NCAPD3: variants seen among roughly 807,000 people sequenced by gnomAD.
NCAPD3 encodes the protein condensin-2 complex subunit D3.
NCAPD3 carries 105 observed loss-of-function variants against 182.9 expected under a neutral mutation model. That is an observed-to-expected ratio of 0.57 (90% CI 0.49 to 0.68). NCAPD3 has a LOEUF of 0.68. Among genes scored for constraint, NCAPD3 ranks in the 30% least tolerant of loss-of-function variants. The pLI, the probability that NCAPD3 is intolerant of heterozygous loss-of-function variation, is 0.00. For missense variants in NCAPD3, 1,944 were observed against 1,837.0 expected (o/e 1.06, Z -1.07); for synonymous variants, 815 against 679.9 (o/e 1.20, Z -3.09).
Position 134,168,122 on chromosome 11 carries a change from G to A in NCAPD3, c.3447C>T (p.Leu1149=), listed in dbSNP as rs2120687160. The change falls in exon 27 of 35, where the codon CTC becomes CTT. Residue 1149 remains leucine, a synonymous_variant. Coordinates refer to ENST00000534548, the MANE Select transcript of NCAPD3 (RefSeq NM_015261.3). ...CCAAAAGCTTGATCTCCTTTGAGCT[G>A]AGGACCTCAAACGTGTCTGAGAGTA... ...SELLSDTFEV[L]SSKEIKLLAM... is the part of the protein sequence containing the mutation. The A allele has an allele frequency of 6.2e-7, 1 of 1,614,120 alleles. No homozygotes were observed. The highest frequency in any genetic ancestry group is 8.5e-7 in the Non-Finnish European group (1 of 1,179,956).
At position 134,153,281 on chromosome 11, in the gene NCAPD3, G is replaced by A; in HGVS notation, c.4327+8C>T. ...ATCTATCAGCCCAGAAGGACACCAA[G>A]AACTTGCCTTTGGCTGACGACGGAG... is the stretch of plus-strand genomic sequence containing the variant. On this transcript the variant is annotated splice_region_variant and intron_variant, in intron 33 of 34. Coordinates refer to ENST00000534548, the MANE Select transcript of NCAPD3 (RefSeq NM_015261.3). The A allele has an allele frequency of 6.2e-7, 1 of 1,614,180 alleles. No homozygotes were observed.
chr11:134,196,876 A>G (rs1202209701), intron 13 of NCAPD3, among the ~76,000 whole-genome samples: 1 of 152,200 alleles, frequency 6.6e-6, no homozygotes, highest in Non-Finnish European at 1.5e-5. Context: ...CCCTGATAGC[A>G]AAACCAAAAC....
At chr11:134,156,301 A>G (rs1943417306) in intron 32 of NCAPD3, among the ~76,000 whole-genome samples, 1 of 152,174 alleles carries the variant, frequency 6.6e-6, no homozygotes. Context: ...TGCTGAGGGC[A>G]CTGTGCACAG....
intron 24 of NCAPD3, among the ~76,000 whole-genome samples, chr11:134,172,082 C>A (rs531969179): frequency 1.3e-5 from 2 of 152,140 alleles, no homozygotes; most frequent in Admixed American, 6.5e-5. Flanking sequence ...TGGAAGACAG[C>A]TGGAAGTGGG....
Position 134,209,408 on chromosome 11 carries a change from G to A in NCAPD3, c.637C>T (p.Arg213Ter), listed in dbSNP as rs774478261. Residue 213 changes from arginine (R) to a stop codon, truncating the protein, a stop_gained, in exon 5 of 35, where the codon CGA (arginine) becomes TGA (stop). Transcript: ENST00000534548. LOFTEE classifies it high-confidence loss of function. ...TTTAAAAGGTGAAAGATGGCATTTCGAATTTGAGAAAGGTCCCGGGCAGAA... is the reference window on the plus strand; with the variant it reads ...TTTAAAAGGTGAAAGATGGCATTTCAAATTTGAGAAAGGTCCCGGGCAGAA... ...CFSARDLSQI[R>*]NAIFHLLKNF... 5 of 1,613,780 alleles carry A rather than the reference G, an allele frequency of 3.1e-6. No individual in the cohort carries two copies. Among genetic ancestry groups the A allele is most frequent in the East Asian group, 2.2e-5 (1 of 44,866 alleles).
chr11:134,163,692 C>T (rs1405186512), intron 27 of NCAPD3, among the ~76,000 whole-genome samples: 1 of 113,936 alleles, frequency 8.8e-6, no homozygotes, highest in Non-Finnish European at 1.7e-5. Context: ...CAGTGTGATA[C>T]TGTGTCTCAA....
intron 8 of NCAPD3, among the ~76,000 whole-genome samples, chr11:134,205,824 T>C (rs1412571487): frequency 6.6e-6 from 1 of 152,230 alleles, no homozygotes; most frequent in Non-Finnish European, 1.5e-5. Flanking sequence ...ACATTTTAGT[T>C]ACTTAATGTT....
In NCAPD3 at chr11:134,176,521, G is replaced by A. The variant is rs375132364; in HGVS notation, c.3022-135C>T. On this transcript the variant is annotated intron_variant, in intron 23 of 34. Transcript: ENST00000534548. ...GTGCACAGGCACACACTTCCAAACCGTCGGAATGTAGTGCCGAGAAGTGTA... is the reference window on the plus strand; with the variant it reads ...GTGCACAGGCACACACTTCCAAACCATCGGAATGTAGTGCCGAGAAGTGTA... The A allele has an allele frequency of 2.0e-4, 137 of 696,478 alleles. No individual in the cohort carries two copies. In the East Asian group the frequency reaches 2.9e-3, roughly 15 times the overall value. 43.1% of individuals were successfully genotyped at this position (696,478 alleles called of 1,614,324 possible).
chr11:134,169,373 C>T (rs753854298), intron 24 of NCAPD3, among the ~76,000 whole-genome samples: 6 of 152,232 alleles, frequency 3.9e-5, no homozygotes, highest in Non-Finnish European at 8.8e-5. Flanking sequence ...CCCAAAGCTG[C>T]TTCTGCAATC....
intron 16 of NCAPD3, among the ~76,000 whole-genome samples, chr11:134,187,803 G>A (rs1944441119): frequency 2.6e-5 from 4 of 152,180 alleles, no homozygotes; most frequent in Admixed American, 2.0e-4. Context: ...GCAACTGGAG[G>A]AGAGGAAGTG....
At chr11:134,169,795 C>CA (rs1201883142) in intron 24 of NCAPD3, among the ~76,000 whole-genome samples, 1 of 152,230 alleles carries the variant, frequency 6.6e-6, no homozygotes, top group East Asian at 1.9e-4. Flanking sequence ...TAGTAGGTGA[C>CA]AGAGTGCCAA....
chr11:134,153,698 C>T (rs948631498), intron 32 of NCAPD3: 3 of 372,342 alleles, frequency 8.1e-6, no homozygotes, highest in African/African-American at 2.1e-5. Context: ...ACACCTCCTA[C>T]TGTGGCTCAC....
chr11:134,174,881 A>G (rs1266134568), intron 24 of NCAPD3, among the ~76,000 whole-genome samples: 1 of 152,230 alleles, frequency 6.6e-6, no homozygotes, highest in Non-Finnish European at 1.5e-5. Flanking sequence ...AAATAAAAAG[A>G]AAAGGAAAAT....
chr11:134,203,631 G>A (rs776923530), intron 11 of NCAPD3, 23 bp downstream of exon 11: 2 of 1,605,468 alleles, frequency 1.2e-6, no homozygotes, highest in East Asian at 4.5e-5. Context: ...CCGGTTTACT[G>A]TCCCAATAGT....
intron 24 of NCAPD3, among the ~76,000 whole-genome samples, chr11:134,172,571 G>A (rs1944034460): frequency 6.6e-6 from 1 of 152,132 alleles, no homozygotes; most frequent in Admixed American, 6.5e-5. Flanking sequence ...TTGAGCTTCT[G>A]GCCCTGCCTC....
At chr11:134,158,656 CGTGA>C (rs904368222) in intron 29 of NCAPD3, among the ~76,000 whole-genome samples, 161 bp from the exon 30 acceptor site, 6 of 152,218 alleles carry the variant, frequency 3.9e-5, no homozygotes, top group African/African-American at 1.2e-4. Context: ...TCACCTCAAA[CGTGA>C]GTATCTTTTC....
At chr11:134,224,143 T>C, upstream of NCAPD3, 2 of 609,118 alleles carry the variant, frequency 3.3e-6, no homozygotes, top group Admixed American at 2.9e-5. Flanking sequence ...CAAACAAGGC[T>C]CCTGCGGGTG....
Position 134,217,019 on chromosome 11 carries a change from A to ACGTT in NCAPD3, c.298_299insAACG (p.Val100GlufsTer4), listed in dbSNP as rs1272481468. On this transcript the variant is annotated frameshift_variant, in exon 3 of 35. Transcript: ENST00000534548. LOFTEE classifies it high-confidence loss of function. ...CTGTACACTGACATTCTTCTTATGA[A>ACGTT]CTATTTGAACAAAATGATAGAACAA... The ACGTT allele has an allele frequency of 6.2e-7, 1 of 1,613,992 alleles. No individual in the cohort carries two copies. Among genetic ancestry groups the ACGTT allele is most frequent in the South Asian group, 1.1e-5 (1 of 91,050 alleles).
intron 19 of NCAPD3, chr11:134,183,297 G>C: frequency 2.6e-6 from 1 of 380,606 alleles, no homozygotes; most frequent in Non-Finnish European, 5.2e-6. Flanking sequence ...TCTTTCCTCA[G>C]TCTTACCACG....
Sources: allele counts gnomAD v4.1 joint callset (sites outside exome capture counted in the v4.1 genomes callset), GRCh38; gene constraint gnomAD v4.1.1; transcripts MANE v1.5; gene names NCBI Gene and HGNC (gene_info 2026-07-23, HGNC 2026-07-21).